The following SNX29 variants were observed in gnomAD, a reference collection of about 807,000 sequenced individuals.
The protein encoded by SNX29 is sorting nexin-29.
A neutral mutation model predicts 102.1 loss-of-function variants in SNX29; 78 were observed. The ratio of observed to expected loss-of-function variants is 0.76; its 90% confidence interval spans 0.64 to 0.92. The LOEUF (loss-of-function observed/expected upper bound fraction) is 0.92, where lower values mean the gene tolerates loss of function less well. Ranked by LOEUF, SNX29 falls within the 40% of genes least tolerant of loss-of-function variation. The pLI is 0.00. For missense variants in SNX29, 1,280 were observed against 1,061.7 expected, an observed-to-expected ratio of 1.21 and a Z score of -2.86; for synonymous variants, 580 against 414.5, an observed-to-expected ratio of 1.40 and a Z score of -4.85.
At chr16:12,475,368 C>T (rs964998684) in intron 18 of SNX29, among the ~76,000 whole-genome samples, 1 of 152,174 alleles carries the variant, frequency 6.6e-6, no homozygotes, top group African/African-American at 2.4e-5. Context: ...ACAATAATGA[C>T]TTCTTGATTA....
At chr16:12,206,558 C>T (rs955601792) in intron 14 of SNX29, among the ~76,000 whole-genome samples, 1 of 152,082 alleles carries the variant, frequency 6.6e-6, no homozygotes, top group African/African-American at 2.4e-5. Flanking sequence ...CGCTCCCATC[C>T]CTCACTGTGT....
chr16:12,312,191 T>C (rs947942106), intron 15 of SNX29, among the ~76,000 whole-genome samples: 1 of 152,352 alleles, frequency 6.6e-6, no homozygotes, highest in East Asian at 1.9e-4. Context: ...GGGGGCTATT[T>C]AGCAGCTGCA....
At chr16:12,530,011 G>C (rs2076889107) in intron 20 of SNX29, among the ~76,000 whole-genome samples, 1 of 152,336 alleles carries the variant, frequency 6.6e-6, no homozygotes, top group Non-Finnish European at 1.5e-5. Context: ...TGTGTGTTCA[G>C]TAAAGTGTCC....
At chr16:12,023,979 A>G (rs1375579762) in intron 3 of SNX29, among the ~76,000 whole-genome samples, 2 of 152,208 alleles carry the variant, frequency 1.3e-5, no homozygotes, top group Admixed American at 6.5e-5. Flanking sequence ...GCAACCAGGC[A>G]TGGTGCTAAG....
chr16:12,543,928 A>T (rs886297688), intron 20 of SNX29, among the ~76,000 whole-genome samples: 16 of 152,088 alleles, frequency 1.1e-4, no homozygotes. Flanking sequence ...GGAATCCGGC[A>T]CCCTCTCGTT....
At chr16:12,182,189 G>GTTTT (rs67550670) in intron 13 of SNX29, among the ~76,000 whole-genome samples, 3 of 122,028 alleles carry the variant, frequency 2.5e-5, no homozygotes, top group Non-Finnish European at 1.7e-5. Flanking sequence ...GCCCGGCCTA[G>GTTTT]TTTTTTTTTT....
rs568921333 is a variant in SNX29, at chr16:12,173,341, G to A, written c.1596-26260G>A. On this transcript the variant is annotated intron_variant, in intron 13 of 20. Transcript: ENST00000566228. The stretch of plus-strand genomic sequence containing the variant: ...CTGGCCACTTGACTCTGTTTTAGTT[G>A]GGTGTGACAAGAATGACCCAGTTTG... Among the ~76,000 whole-genome samples, 12 of 152,328 alleles carry A rather than the reference G, an allele frequency of 7.9e-5. 1 individual carries two copies. The South Asian group carries it at 1.7e-3, about 21-fold the overall frequency.
chr16:12,309,954 A>G (rs1190206849), intron 15 of SNX29, among the ~76,000 whole-genome samples: 1 of 152,178 alleles, frequency 6.6e-6, no homozygotes, highest in Non-Finnish European at 1.5e-5. Context: ...TTCTTGAGCT[A>G]AATATGCAGC....
intron 14 of SNX29, among the ~76,000 whole-genome samples, chr16:12,215,234 C>T (rs1156697700): frequency 6.6e-6 from 1 of 151,826 alleles, no homozygotes; most frequent in Non-Finnish European, 1.5e-5. Flanking sequence ...GCGGCTTCCA[C>T]CTGTAATCCC....
At chr16:12,042,822 G>A in intron 4 of SNX29, 75 bp from the exon 5 acceptor site, 1 of 1,472,208 alleles carries the variant, frequency 6.8e-7, no homozygotes, top group Admixed American at 2.1e-5. Context: ...ACTTCGCCTA[G>A]AGGCTTTGTG....
chr16:12,181,647 G>A (rs530552219), intron 13 of SNX29, among the ~76,000 whole-genome samples: 22 of 152,000 alleles, frequency 1.4e-4, no homozygotes, highest in African/African-American at 3.9e-4. Flanking sequence ...GGTGATTTGC[G>A]GGGAGGGGGC....
intron 14 of SNX29, among the ~76,000 whole-genome samples, chr16:12,274,646 T>C (rs1353768328): frequency 6.6e-6 from 1 of 151,868 alleles, no homozygotes; most frequent in Non-Finnish European, 1.5e-5. Flanking sequence ...AAGCGATCCT[T>C]CCACCTCAGC....
In SNX29 at chr16:12,573,447, C is replaced by G. The variant is rs181273297; in HGVS notation, c.*4818C>G. 1 of 223,842 alleles carries G rather than the reference C, an allele frequency of 4.5e-6. No individual in the cohort carries two copies. Among genetic ancestry groups the G allele is most frequent in the African/African-American group, 2.2e-5 (1 of 44,810 alleles). 13.9% of individuals were successfully genotyped at this position (223,842 alleles called of 1,614,324 possible). The stretch of plus-strand genomic sequence containing the variant: ...TGGCTTCCTTAATAAGATAGTTGAG[C>G]CTATGACATTAAGGAGCAGCGCTGC... On this transcript the variant is annotated 3_prime_UTR_variant, in exon 21 of 21. Transcript: ENST00000566228.
intron 18 of SNX29, among the ~76,000 whole-genome samples, chr16:12,404,559 C>T (rs751976032): frequency 6.6e-6 from 1 of 152,072 alleles, no homozygotes; most frequent in African/African-American, 2.4e-5. Context: ...TTGTTTTATT[C>T]CCCATGAGCT....
intron 15 of SNX29, among the ~76,000 whole-genome samples, chr16:12,347,216 C>T (rs1001913280): frequency 2.0e-5 from 3 of 152,016 alleles, no homozygotes; most frequent in Non-Finnish European, 2.9e-5. Flanking sequence ...AGAGCCTACA[C>T]AGCACTGTCT....
chr16:12,536,999 A>T (rs1237992061), intron 20 of SNX29, among the ~76,000 whole-genome samples: 2 of 152,072 alleles, frequency 1.3e-5, no homozygotes, highest in African/African-American at 2.4e-5. Context: ...AAATAAAAAG[A>T]GTTGTTCAGG....
At chr16:12,543,095 A>C (rs987159250) in intron 20 of SNX29, among the ~76,000 whole-genome samples, 9 of 152,182 alleles carry the variant, frequency 5.9e-5, no homozygotes, top group African/African-American at 2.2e-4. Context: ...GTCTGGTGGA[A>C]AGATGGATCC....
At chr16:12,549,155 C>T (rs771070636) in intron 20 of SNX29, among the ~76,000 whole-genome samples, 1 of 151,876 alleles carries the variant, frequency 6.6e-6, no homozygotes, top group Non-Finnish European at 1.5e-5. Context: ...TAGCAGTTAT[C>T]ACATTTGCTG....
chr16:12,023,309 G>T (rs1005219506), intron 3 of SNX29, among the ~76,000 whole-genome samples: 1 of 151,206 alleles, frequency 6.6e-6, no homozygotes, highest in Non-Finnish European at 1.5e-5. Context: ...TGATAAAATG[G>T]CAAGGAGGCA....
Sources: gnomAD v4.1 joint callset for allele counts (sites outside exome capture counted in the v4.1 genomes callset) on GRCh38, gnomAD v4.1.1 for gene constraint, MANE v1.5 for transcripts, NCBI Gene and HGNC (gene_info 2026-07-23, HGNC 2026-07-21) for gene names.